The following RXRA variants were observed in gnomAD, a reference collection of about 807,000 sequenced individuals.
RXRA encodes retinoid X receptor alpha.
RXRA carries 5 observed loss-of-function variants against 44.5 expected under a neutral mutation model. That is an observed-to-expected ratio of 0.11 (90% confidence interval 0.06 to 0.24). The LOEUF (loss-of-function observed/expected upper bound fraction) is 0.24. Among genes scored for constraint, RXRA ranks in the 10% least tolerant of loss-of-function variants. The probability of loss-of-function intolerance (pLI) is 1.00; values close to 1 mark genes in which losing one functional copy is unlikely to be tolerated. For synonymous variants in RXRA, 291 were observed against 271.4 expected (o/e 1.07, Z -0.71); for missense variants, 412 against 646.5 (o/e 0.64, Z 3.93).
At chr9:134,375,183 G>T (rs934738280) in intron 1 of RXRA, among the ~76,000 whole-genome samples, 2 of 152,190 alleles carry the variant, frequency 1.3e-5, no homozygotes, top group Non-Finnish European at 2.9e-5. Flanking sequence ...TCAGGCCCAG[G>T]GAACAGCATG....
intron 1 of RXRA, among the ~76,000 whole-genome samples, chr9:134,375,951 CCT>C (rs796803467): frequency 7.6e-5 from 11 of 144,642 alleles, no homozygotes; most frequent in Admixed American, 2.0e-4. Flanking sequence ...TCCCTCCCTC[CCT>C]CTCTCTCTCT....
intron 1 of RXRA, among the ~76,000 whole-genome samples, chr9:134,345,324 G>A (rs548791131): frequency 6.6e-6 from 1 of 152,346 alleles, no homozygotes; most frequent in East Asian, 1.9e-4. Context: ...GGAAGGAGGT[G>A]GAAAGTTTGG....
intron 3 of RXRA, 54 bp downstream of exon 3, chr9:134,408,353 C>A: frequency 1.3e-6 from 2 of 1,546,292 alleles, no homozygotes; most frequent in Non-Finnish European, 1.7e-6. Context: ...CAGGCCATTG[C>A]AGGGTCTGGA....
rs1017416365 is a variant in RXRA at position 134,407,104 on chromosome 9, G to A, written c.280-1045G>A. 9.2e-5 allele frequency among the ~76,000 whole-genome samples: 14 copies of A among 152,184 alleles called. No homozygotes were observed. The highest frequency in any genetic ancestry group is 2.9e-4 in the African/African-American group (12 of 41,454). ...GCCTCACAGCCCACCTGGGCAGATC[G>A]AGGAAGAACCTAGAAGCCAGAACAA... is the stretch of plus-strand genomic sequence containing the variant. On this transcript the variant is annotated intron_variant, in intron 2 of 9. Coordinates refer to ENST00000481739, the MANE Select transcript of RXRA (RefSeq NM_002957.6). The surrounding 1 kb of genome is among the most constrained non-coding windows in gnomAD (Gnocchi z 4.8).
At position 134,335,326 on chromosome 9, in the gene RXRA, G is replaced by A. The variant is rs147804342; in HGVS notation, c.28+8667G>A. Among the ~76,000 whole-genome samples, 10 of 152,336 alleles carry A rather than the reference G, an allele frequency of 6.6e-5. No individual in the cohort carries two copies. The East Asian group carries it at 1.9e-3, about 29-fold the overall frequency. On this transcript the variant is annotated intron_variant, in intron 1 of 9. Transcript: ENST00000481739. ...CATAAACTGCCTGGGGGAGGTCAGG[G>A]AAGCTTCACAGAGGAGGTGATGTAG... is the stretch of plus-strand genomic sequence containing the variant.
At chr9:134,384,557 C>T (rs1356724071) in intron 1 of RXRA, among the ~76,000 whole-genome samples, 2 of 152,178 alleles carry the variant, frequency 1.3e-5, no homozygotes, top group African/African-American at 4.8e-5. Context: ...AAGGGACCTG[C>T]CCTGGGCCCC....
At chr9:134,335,590 C>A (rs552839046) in intron 1 of RXRA, among the ~76,000 whole-genome samples, 1 of 152,246 alleles carries the variant, frequency 6.6e-6, no homozygotes, top group Non-Finnish European at 1.5e-5. Flanking sequence ...CTGGTGGGGA[C>A]CCCTGTGAGC....
At chr9:134,378,056 G>C (rs993245760) in intron 1 of RXRA, among the ~76,000 whole-genome samples, 1 of 152,248 alleles carries the variant, frequency 6.6e-6, no homozygotes, top group Admixed American at 6.5e-5. Flanking sequence ...GCACAGTGGT[G>C]CCCTGGGTGG....
chr9:134,413,712 A>G (rs1374817826), intron 4 of RXRA, among the ~76,000 whole-genome samples: 2 of 152,168 alleles, frequency 1.3e-5, no homozygotes, highest in African/African-American at 4.8e-5. Context: ...GCCCTTCCCC[A>G]GACCCCCTCC....
intron 1 of RXRA, among the ~76,000 whole-genome samples, chr9:134,394,349 A>G (rs918474356): frequency 2.7e-5 from 4 of 148,468 alleles, no homozygotes; most frequent in African/African-American, 1.0e-4. Flanking sequence ...TGAGTTTTAT[A>G]ATCAAGAGTG....
At chr9:134,372,817 G>A (rs1830506840) in intron 1 of RXRA, among the ~76,000 whole-genome samples, 1 of 152,242 alleles carries the variant, frequency 6.6e-6, no homozygotes, top group Non-Finnish European at 1.5e-5. Context: ...CTTGTAGGCT[G>A]TGTGACCCCA....
At position 134,421,780 on chromosome 9, in the gene RXRA, C is replaced by T. The variant is rs1831335497; in HGVS notation, c.885C>T (p.Asp295=). ...RIPHFSELPL[D]DQVILLRAGW... is the part of the protein sequence containing the mutation. ...CACACTTCTCAGAGCTGCCCCTGGA[C>T]GACCAGGTCATCCTGCTGCGGGCAG... Residue 295 remains aspartate (D), a synonymous_variant, in exon 6 of 10, where the codon GAC becomes GAT. Coordinates refer to ENST00000481739, the MANE Select transcript of RXRA (RefSeq NM_002957.6). The T allele has an allele frequency of 3.7e-6, 6 of 1,612,206 alleles. No homozygotes were observed. The highest frequency in any genetic ancestry group is 1.7e-5 in the Admixed American group (1 of 59,912).
At chr9:134,340,746 C>T (rs1279461378) in intron 1 of RXRA, among the ~76,000 whole-genome samples, 4 of 152,154 alleles carry the variant, frequency 2.6e-5, no homozygotes, top group Non-Finnish European at 4.4e-5. Flanking sequence ...GTGGCCCAAG[C>T]GGTCCTCCCT....
intron 1 of RXRA, among the ~76,000 whole-genome samples, chr9:134,393,985 A>T (rs1159465536): frequency 2.6e-5 from 4 of 151,688 alleles, no homozygotes; most frequent in African/African-American, 9.7e-5. Flanking sequence ...GGCCAAGAGG[A>T]CCCAAAACAC....
In RXRA at chr9:134,401,805, A is replaced by T. The variant is rs757659123; in HGVS notation, c.202A>T (p.Ile68Phe). Residue 68 changes from isoleucine (I) to phenylalanine (F), a missense_variant, in exon 2 of 10, where the codon ATC becomes TTC. Around this residue, in one of 4 missense-constraint regions of RXRA, gnomAD observed 156 missense variants for 177.2 expected, o/e 0.88. Coordinates refer to ENST00000481739, the MANE Select transcript of RXRA (RefSeq NM_002957.6). ...CGGCATGGGCCCGCCTTTCTCGGTC[A>T]TCAGCTCCCCCATGGGCCCCCACTC... ...INGMGPPFSV[I>F]SSPMGPHSMS... The T allele has an allele frequency of 2.5e-6, 4 of 1,612,936 alleles. No homozygotes were observed. Among genetic ancestry groups the T allele is most frequent in the Admixed American group, 3.3e-5 (2 of 60,010 alleles).
At chr9:134,386,881 G>T (rs1013734080) in intron 1 of RXRA, among the ~76,000 whole-genome samples, 2 of 152,222 alleles carry the variant, frequency 1.3e-5, no homozygotes, top group African/African-American at 4.8e-5. Flanking sequence ...GGACCCCTTG[G>T]GGTCTGCCCC....
At chr9:134,428,070 C>G (rs1781257398) in intron 6 of RXRA, among the ~76,000 whole-genome samples, 1 of 152,116 alleles carries the variant, frequency 6.6e-6, no homozygotes, top group Non-Finnish European at 1.5e-5. Context: ...AGTGCGTGTG[C>G]ACGCGAGGGT....
intron 1 of RXRA, among the ~76,000 whole-genome samples, chr9:134,396,726 C>T (rs907769848): frequency 2.0e-5 from 3 of 152,200 alleles, no homozygotes; most frequent in African/African-American, 7.2e-5. Flanking sequence ...ACCCCAAGCT[C>T]CCCCATTTAG....
intron 9 of RXRA, among the ~76,000 whole-genome samples, chr9:134,435,081 A>G (rs1028410722): frequency 1.2e-4 from 18 of 152,218 alleles, no homozygotes; most frequent in Admixed American, 3.3e-4. Context: ...AGCTCAGCAG[A>G]AAACAGCTTG....
Sources: allele counts gnomAD v4.1 joint callset (sites outside exome capture counted in the v4.1 genomes callset), GRCh38; gene constraint gnomAD v4.1.1; regional missense constraint gnomAD v4.1.1; non-coding constraint Gnocchi (gnomAD v3.1); transcripts MANE v1.5; gene names NCBI Gene and HGNC (gene_info 2026-07-23, HGNC 2026-07-21).